RANBP2: variants seen among roughly 807,000 people sequenced by gnomAD.
The protein encoded by RANBP2 is RAN binding protein 2, also known as E3 SUMO-protein ligase RanBP2.
Under a neutral mutation model 303.6 loss-of-function variants are expected in RANBP2, and 57 were observed. The observed-to-expected ratio is 0.19, with a 90% confidence interval of 0.15 to 0.23. The LOEUF is 0.23. Among genes scored for constraint, RANBP2 ranks in the 10% least tolerant of loss-of-function variants. The probability of loss-of-function intolerance (pLI) is 1.00; values close to 1 mark genes in which losing one functional copy is unlikely to be tolerated. For synonymous variants in RANBP2, 1,167 were observed against 1,301.5 expected (o/e 0.90, Z 2.23); for missense variants, 3,138 against 3,780.8 (o/e 0.83, Z 4.46).
chr2:109,418,654 C>T, the RANBP2 span, among the ~76,000 whole-genome samples: 2 of 152,268 alleles, frequency 1.3e-5, no homozygotes, highest in African/African-American at 2.4e-5. Flanking sequence ...ATCCTTACCT[C>T]ATATCTGCAA....
At chr2:109,389,846 G>A in the RANBP2 span, among the ~76,000 whole-genome samples, 1 of 151,948 alleles carries the variant, frequency 6.6e-6, no homozygotes, top group Non-Finnish European at 1.5e-5. Context: ...TCAGAGAACA[G>A]GTCAGAGCCC....
At chr2:109,104,966 C>T in the RANBP2 span, among the ~76,000 whole-genome samples, 1 of 152,178 alleles carries the variant, frequency 6.6e-6, no homozygotes, top group Admixed American at 6.5e-5. Context: ...GACCTGTAAA[C>T]TACTGTTAGA....
At chr2:109,087,397 G>A in the RANBP2 span, among the ~76,000 whole-genome samples, 48 of 152,274 alleles carry the variant, frequency 3.2e-4, no homozygotes, top group African/African-American at 1.1e-3. Flanking sequence ...TCTCACAGAT[G>A]TAGCAACGGA....
the RANBP2 span, among the ~76,000 whole-genome samples, chr2:109,008,730 G>A: frequency 7.3e-5 from 11 of 151,464 alleles, no homozygotes; most frequent in South Asian, 6.3e-4. Context: ...GTGAAACCCC[G>A]TCTTTACTAA....
At chr2:108,939,610 G>A in the RANBP2 span, among the ~76,000 whole-genome samples, 6 of 152,208 alleles carry the variant, frequency 3.9e-5, no homozygotes, top group African/African-American at 1.2e-4. Context: ...AACATGTCCC[G>A]TTAGGAAGTG....
At chr2:109,740,168 T>C in the RANBP2 span, among the ~76,000 whole-genome samples, 1 of 151,048 alleles carries the variant, frequency 6.6e-6, no homozygotes, top group Non-Finnish European at 1.5e-5. Context: ...TCTGTATTTT[T>C]AGTAGAGACA....
At chr2:109,376,975 G>T in the RANBP2 span, among the ~76,000 whole-genome samples, 1 of 152,254 alleles carries the variant, frequency 6.6e-6, no homozygotes, top group African/African-American at 2.4e-5. Context: ...ACCTGTCCCG[G>T]CAGCCAGCAC....
At chr2:109,615,933 G>A in the RANBP2 span, 2 of 1,604,762 alleles carry the variant, frequency 1.2e-6, no homozygotes, top group Non-Finnish European at 1.7e-6. Flanking sequence ...AACCCAGATC[G>A]TCCACACCAC....
the RANBP2 span, among the ~76,000 whole-genome samples, chr2:108,798,840 C>CACACAT: frequency 6.6e-6 from 1 of 151,276 alleles, no homozygotes; most frequent in Non-Finnish European, 1.5e-5. Context: ...CACACACACA[C>CACACAT]ACACACACAC....
chr2:109,593,800 C>T, the RANBP2 span, among the ~76,000 whole-genome samples: 3 of 152,100 alleles, frequency 2.0e-5, no homozygotes, highest in African/African-American at 4.8e-5. Context: ...GTCAAGAATG[C>T]TACAATTGTG....
the RANBP2 span, among the ~76,000 whole-genome samples, chr2:109,250,656 G>A: frequency 7.2e-5 from 11 of 151,910 alleles, no homozygotes; most frequent in African/African-American, 2.7e-4. Context: ...AAACTATTGA[G>A]TATGAGGCAA....
chr2:109,710,969 G>A, the RANBP2 span, among the ~76,000 whole-genome samples: 1 of 152,022 alleles, frequency 6.6e-6, no homozygotes, highest in Non-Finnish European at 1.5e-5. Context: ...GGAGATGCCT[G>A]TACCCTGCAC....
At chr2:109,762,977 T>C in the RANBP2 span, among the ~76,000 whole-genome samples, 7 of 144,684 alleles carry the variant, frequency 4.8e-5, no homozygotes, top group Non-Finnish European at 9.0e-5. Context: ...AGTTTTATGG[T>C]TTACGTAAAT....
chr2:108,732,124 A>G (rs901271299), intron 4 of RANBP2, among the ~76,000 whole-genome samples: 2 of 152,190 alleles, frequency 1.3e-5, no homozygotes, highest in Admixed American at 1.3e-4. Context: ...TGTGTGTACA[A>G]TATTAAATTA....
chr2:109,210,041 G>T, the RANBP2 span, among the ~76,000 whole-genome samples: 3 of 152,164 alleles, frequency 2.0e-5, no homozygotes, highest in Non-Finnish European at 2.9e-5. Context: ...TCTAGGGACC[G>T]CAGAGTCAAA....
the RANBP2 span, among the ~76,000 whole-genome samples, chr2:109,731,480 C>T: frequency 3.9e-3 from 596 of 151,920 alleles, 4 homozygotes; most frequent in Admixed American, 7.4e-3. Context: ...CTGCTACCTC[C>T]GCCTCCCAGG....
At chr2:108,876,499 CTT>C in the RANBP2 span, 4 of 276,140 alleles carry the variant, frequency 1.4e-5, no homozygotes, top group African/African-American at 2.2e-5. Flanking sequence ...ACTGAAGTGA[CTT>C]TTTGTAAAAA....
the RANBP2 span, among the ~76,000 whole-genome samples, chr2:109,027,232 G>A: frequency 7.1e-6 from 1 of 140,172 alleles, no homozygotes; most frequent in African/African-American, 2.6e-5. Flanking sequence ...AACAGAGTGA[G>A]GCTCTGTCTC....
At chr2:109,708,115 T>C in the RANBP2 span, among the ~76,000 whole-genome samples, 1 of 152,170 alleles carries the variant, frequency 6.6e-6, no homozygotes, top group South Asian at 2.1e-4. Flanking sequence ...CCAAAAACAG[T>C]CGGAGGCTGA....
Sources: allele counts gnomAD v4.1 joint callset (sites outside exome capture counted in the v4.1 genomes callset), GRCh38; gene constraint gnomAD v4.1.1; transcripts MANE v1.5; gene names NCBI Gene and HGNC (gene_info 2026-07-23, HGNC 2026-07-21).